Variants in ATOH8 observed in about 807,000 individuals in gnomAD.
ATOH8 encodes the protein transcription factor ATOH8.
Under a neutral mutation model 21.2 loss-of-function variants are expected in ATOH8, and 9 were observed. The observed-to-expected ratio is 0.42, with a 90% CI of 0.26 to 0.74. The LOEUF is 0.74. Among genes scored for constraint, ATOH8 ranks in the 30% least tolerant of loss-of-function variants. ATOH8 has a pLI of 0.24. For missense variants in ATOH8, 524 were observed against 470.9 expected, an observed-to-expected ratio of 1.11 and a Z score of -1.04; for synonymous variants, 253 against 224.0, an observed-to-expected ratio of 1.13 and a Z score of -1.16.
intron 2 of ATOH8, among the ~76,000 whole-genome samples, chr2:85,776,927 C>T (rs925716824): frequency 3.9e-5 from 6 of 152,132 alleles, no homozygotes; most frequent in Admixed American, 2.6e-4. Context: ...CAGCCCTGTT[C>T]CTGCCACCAC....
Position 85,786,866 on chromosome 2 carries a change from G to A in ATOH8, c.961-19G>A, listed in dbSNP as rs748701915. On this transcript the variant is annotated intron_variant, in intron 2 of 2. Coordinates refer to ENST00000306279, the MANE Select transcript of ATOH8 (RefSeq NM_032827.7). ...AGGTGGAGCAGGGGCAGCTTTTAATGGCTGGTCATGTCTTTCAGGAGTGAC... is the reference window on the plus strand; with the variant it reads ...AGGTGGAGCAGGGGCAGCTTTTAATAGCTGGTCATGTCTTTCAGGAGTGAC... The A allele has an allele frequency of 6.2e-7, 1 of 1,613,870 alleles. No homozygotes were observed. The highest frequency in any genetic ancestry group is 2.2e-5 in the East Asian group (1 of 44,892).
intron 2 of ATOH8, among the ~76,000 whole-genome samples, chr2:85,771,922 G>A (rs538066003): frequency 6.6e-6 from 1 of 152,248 alleles, no homozygotes; most frequent in Non-Finnish European, 1.5e-5. Flanking sequence ...CCAGGAAGTG[G>A]CAGAGCTCAG....
At chr2:85,783,904 T>C (rs1190467984) in intron 2 of ATOH8, among the ~76,000 whole-genome samples, 1 of 151,928 alleles carries the variant, frequency 6.6e-6, no homozygotes, top group Non-Finnish European at 1.5e-5. Flanking sequence ...GGCATCTTTG[T>C]CTTCTATCCC....
chr2:85,781,817 G>A (rs1680504789), intron 2 of ATOH8, among the ~76,000 whole-genome samples: 1 of 152,078 alleles, frequency 6.6e-6, no homozygotes, highest in African/African-American at 2.4e-5. Context: ...GGCTGAGGTG[G>A]CAGTGAGCCT....
chr2:85,761,263 A>T (rs1679864380), intron 1 of ATOH8, among the ~76,000 whole-genome samples: 1 of 152,160 alleles, frequency 6.6e-6, no homozygotes, highest in Non-Finnish European at 1.5e-5. Flanking sequence ...TAGCTGAGTG[A>T]TCTGGGGCCC....
intron 2 of ATOH8, chr2:85,772,786 C>T (rs919889650): frequency 4.4e-6 from 2 of 456,636 alleles, no homozygotes; most frequent in Non-Finnish European, 4.4e-6. Context: ...CCGCTGTTTT[C>T]TCTTGACTTT....
chr2:85,759,137 C>T (rs746261473), intron 1 of ATOH8, among the ~76,000 whole-genome samples: 20 of 152,168 alleles, frequency 1.3e-4, no homozygotes, highest in Non-Finnish European at 2.9e-5. Context: ...GGGTCTTCAC[C>T]GAGTGAACTC....
chr2:85,761,720 C>A (rs1299271568), intron 1 of ATOH8, among the ~76,000 whole-genome samples: 1 of 152,238 alleles, frequency 6.6e-6, no homozygotes, highest in Non-Finnish European at 1.5e-5. Context: ...CTGCCACACC[C>A]TCCCTGGGGT....
intron 1 of ATOH8, among the ~76,000 whole-genome samples, 170 bp from the exon 2 acceptor site, chr2:85,763,821 C>CGTGTGTGT (rs61491730): frequency 0.18 from 25,434 of 143,620 alleles, 2,384 homozygotes; most frequent in Non-Finnish European, 0.21. Context: ...GATGAGCTGA[C>CGTGTGTGT]GTGTGTGTGT....
intron 2 of ATOH8, chr2:85,774,687 G>A: frequency 6.1e-6 from 6 of 985,432 alleles, no homozygotes; most frequent in Non-Finnish European, 2.4e-6. Context: ...GGCCTAGGGG[G>A]CTCCCTACAG....
At position 85,754,740 on chromosome 2, in the gene ATOH8, C is replaced by G. The variant is rs1192576469; in HGVS notation, c.551C>G (p.Pro184Arg). 9 of 1,612,568 alleles carry G rather than the reference C, an allele frequency of 5.6e-6. No individual in the cohort carries two copies. The highest frequency in any genetic ancestry group is 1.1e-5 in the South Asian group (1 of 91,092). ...GAGTCCACTGTGCGCCCTGCGCCCC[C>G]GACGCGCCCCGGGGAAAGTTCCTAC... ...PPESTVRPAP[P>R]TRPGESSYSS... Residue 184 changes from proline to arginine, a missense_variant, in exon 1 of 3, where the codon CCG (proline) becomes CGG (arginine). Pro to Arg is a moderately radical substitution (Grantham distance 103). Coordinates refer to ENST00000306279, the MANE Select transcript of ATOH8 (RefSeq NM_032827.7).
Position 85,788,479 on chromosome 2 carries a change from G to T in ATOH8, c.*1589G>T, listed in dbSNP as rs1244573358. 6.6e-6 allele frequency among the ~76,000 whole-genome samples: 1 copy of T among 152,110 alleles called. No individual in the cohort carries two copies. The highest frequency in any genetic ancestry group is 2.4e-5 in the African/African-American group (1 of 41,420). The stretch of plus-strand genomic sequence containing the variant: ...ATCCTGTGCTCTCAAACCTTTTCCA[G>T]CCCCATCACCAGTCCCAGCCCAAAG... On this transcript the variant is annotated 3_prime_UTR_variant, in exon 3 of 3. Transcript: ENST00000306279.
intron 2 of ATOH8, among the ~76,000 whole-genome samples, chr2:85,775,694 C>T (rs1680302694): frequency 6.6e-6 from 1 of 152,182 alleles, no homozygotes; most frequent in Non-Finnish European, 1.5e-5. Flanking sequence ...CTCACCAGGG[C>T]AGTCAGTCTT....
In ATOH8 at chr2:85,788,732, C is replaced by G. The variant is rs1558620751; in HGVS notation, c.*1842C>G. Among the ~76,000 whole-genome samples, 1 of 152,212 alleles carries G rather than the reference C, an allele frequency of 6.6e-6. No individual in the cohort carries two copies. The highest frequency in any genetic ancestry group is 1.5e-5 in the Non-Finnish European group (1 of 68,044). On this transcript the variant is annotated 3_prime_UTR_variant, in exon 3 of 3. Transcript: ENST00000306279. ...TTTCACCAGTGTCACTTTCTCGTCT[C>G]TGCTGCTCAGACTCCTGGGCTGGGC...
At chr2:85,772,649 G>A (rs1478741304) in intron 2 of ATOH8, 1 of 452,492 alleles carries the variant, frequency 2.2e-6, no homozygotes. Context: ...ACAACAGCGC[G>A]AGCAGCTGGT....
intron 1 of ATOH8, among the ~76,000 whole-genome samples, chr2:85,757,600 G>A (rs1679746519): frequency 6.6e-6 from 1 of 152,176 alleles, no homozygotes; most frequent in Non-Finnish European, 1.5e-5. Flanking sequence ...GGAAACTGGA[G>A]GCCAGGCATT....
chr2:85,765,017 A>G (rs1679971365), intron 2 of ATOH8, among the ~76,000 whole-genome samples: 1 of 152,196 alleles, frequency 6.6e-6, no homozygotes, highest in Non-Finnish European at 1.5e-5. Flanking sequence ...TTTAGTGGGA[A>G]AGGTGTTGGG....
intron 1 of ATOH8, among the ~76,000 whole-genome samples, chr2:85,757,593 A>G (rs1241476523): frequency 1.3e-5 from 2 of 152,138 alleles, no homozygotes; most frequent in African/African-American, 4.8e-5. Flanking sequence ...TGATCTGGGA[A>G]ACTGGAGGCC....
At position 85,754,363 on chromosome 2, in the gene ATOH8, C is replaced by T. The variant is rs1307291887; in HGVS notation, c.174C>T (p.Asn58=). Residue 58 remains asparagine (N), a synonymous_variant, in exon 1 of 3, where the codon AAC becomes AAT. Transcript: ENST00000306279. ...CCGAGCCCCGCGCCGTAGCCACCAA[C>T]GGGCTGCGGGACAGGACCCATCGGC... ...EAPEPRAVAT[N]GLRDRTHRLQ... 1 of 1,605,920 alleles carries T rather than the reference C, an allele frequency of 6.2e-7. No homozygotes were observed. The highest frequency in any genetic ancestry group is 2.3e-5 in the East Asian group (1 of 44,082).
Sources: allele counts gnomAD v4.1 joint callset (sites outside exome capture counted in the v4.1 genomes callset), GRCh38; gene constraint gnomAD v4.1.1; transcripts MANE v1.5; gene names NCBI Gene and HGNC (gene_info 2026-07-23, HGNC 2026-07-21).